The following ANK2 variants were observed in gnomAD, a reference collection of about 807,000 sequenced individuals.
ANK2 encodes ankyrin 2.
Under a neutral mutation model 360.5 loss-of-function variants are expected in ANK2, and 83 were observed. That is an observed-to-expected ratio of 0.23 (90% CI 0.19 to 0.28). The LOEUF is 0.28. Ranked by LOEUF, ANK2 falls within the 10% of genes least tolerant of loss-of-function variation. The pLI, the probability that ANK2 is intolerant of heterozygous loss-of-function variation, is 1.00. For missense variants in ANK2, 4,201 were observed against 4,795.7 expected, an observed-to-expected ratio of 0.88 and a Z score of 3.66; for synonymous variants, 1,740 against 1,759.5, an observed-to-expected ratio of 0.99 and a Z score of 0.28.
the ANK2 span, among the ~76,000 whole-genome samples, chr4:112,765,348 G>A: frequency 2.0e-5 from 3 of 152,150 alleles, no homozygotes; most frequent in Non-Finnish European, 4.4e-5. Context: ...AATCTGAACA[G>A]TTCTCTTCCT....
chr4:113,218,657 A>C (rs1393791004), intron 4 of ANK2, among the ~76,000 whole-genome samples: 1 of 152,192 alleles, frequency 6.6e-6, no homozygotes, highest in African/African-American at 2.4e-5. Flanking sequence ...ACCATATCAT[A>C]TAGTGTTTTG....
At chr4:113,200,180 A>G (rs2098809891) in intron 4 of ANK2, among the ~76,000 whole-genome samples, 2 of 152,074 alleles carry the variant, frequency 1.3e-5, no homozygotes, top group African/African-American at 4.8e-5. Context: ...CAATGTTTTA[A>G]TATGTATTGA....
intron 26 of ANK2, among the ~76,000 whole-genome samples, chr4:113,324,398 G>A (rs573036437): frequency 2.0e-5 from 3 of 152,044 alleles, no homozygotes; most frequent in Non-Finnish European, 2.9e-5. Context: ...ATTTTTAAAG[G>A]TTCCTATTAG....
At chr4:112,953,946 C>G (rs1310561569) in intron 2 of ANK2, among the ~76,000 whole-genome samples, 2 of 151,672 alleles carry the variant, frequency 1.3e-5, no homozygotes, top group African/African-American at 4.8e-5. Flanking sequence ...TGTCTCCCCC[C>G]GCCCCCGTCT....
chr4:113,271,578 A>T (rs967203861), intron 14 of ANK2, among the ~76,000 whole-genome samples: 1 of 152,154 alleles, frequency 6.6e-6, no homozygotes, highest in African/African-American at 2.4e-5. Context: ...GATAGTAAAA[A>T]ATTGTGCCAA....
chr4:113,047,392 T>C (rs1045047530), upstream of ANK2, among the ~76,000 whole-genome samples: 6 of 152,260 alleles, frequency 3.9e-5, no homozygotes, highest in African/African-American at 1.2e-4. Flanking sequence ...TTGTTTATCA[T>C]GATATCCACA....
chr4:113,041,205 C>A (rs1416489122), intron 2 of ANK2, among the ~76,000 whole-genome samples: 3 of 152,106 alleles, frequency 2.0e-5, no homozygotes, highest in African/African-American at 7.2e-5. Flanking sequence ...TTTCTTTAAA[C>A]CATTAAATGG....
intron 1 of ANK2, among the ~76,000 whole-genome samples, chr4:113,098,678 A>C (rs942358642): frequency 6.6e-6 from 1 of 152,012 alleles, no homozygotes; most frequent in Non-Finnish European, 1.5e-5. Flanking sequence ...TTCCTAGTTA[A>C]TCCTATGAGG....
At chr4:113,185,492 G>C (rs139562943) in intron 2 of ANK2, among the ~76,000 whole-genome samples, 2,912 of 152,198 alleles carry the variant, frequency 0.019, 40 homozygotes, top group South Asian at 0.034. Context: ...TCATATGTTT[G>C]TTGGCCACAT....
In ANK2 at chr4:113,288,292, T is replaced by C. The variant is rs191465892; in HGVS notation, c.2179-96T>C. The C allele has an allele frequency of 7.8e-6, 8 of 1,024,526 alleles. 1 individual carries two copies. Among genetic ancestry groups the C allele is most frequent in the East Asian group, 7.6e-5 (3 of 39,406 alleles). The allele number at this position is 1,024,526 out of a possible 1,614,324, so 63.5% of individuals were successfully genotyped here. A position where few individuals can be genotyped will look rare whatever the true frequency, so the allele number is the denominator to read the frequency against. Reference sequence around the variant, plus strand: ...TAGTCAAATGGAATCCTATAATAACTGATACTCTACCCAGTCCTTCTCCTC... The same window carrying C: ...TAGTCAAATGGAATCCTATAATAACCGATACTCTACCCAGTCCTTCTCCTC... On this transcript the variant is annotated intron_variant, in intron 19 of 45. Transcript: ENST00000357077.
rs10011655 is a variant in ANK2, at chr4:113,344,989, G to A, written c.4249-911G>A. On this transcript the variant is annotated intron_variant, in intron 34 of 45. Coordinates refer to ENST00000357077, the MANE Select transcript of ANK2 (RefSeq NM_001148.6). ...GATTAACAAGTTCTAAAGATGGAAG[G>A]TAGTGATGATTATACAACAATGTGA... Among the ~76,000 whole-genome samples the A allele has an allele frequency of 3.9e-3, 595 of 152,200 alleles. 4 individuals are homozygous for A. The highest frequency in any genetic ancestry group is 0.013 in the African/African-American group (560 of 41,530).
At chr4:112,747,431 A>G in the ANK2 span, among the ~76,000 whole-genome samples, 67 of 152,358 alleles carry the variant, frequency 4.4e-4, no homozygotes, top group Middle Eastern at 6.8e-3. Flanking sequence ...ATAATGTACA[A>G]GAATATTTAC....
At chr4:113,186,567 T>C (rs2098529565) in intron 2 of ANK2, among the ~76,000 whole-genome samples, 1 of 75,704 alleles carries the variant, frequency 1.3e-5, no homozygotes, top group Non-Finnish European at 2.4e-5. Flanking sequence ...CGTGTCTCTC[T>C]CTCTCTCTCT....
At chr4:113,175,467 T>C (rs972387520) in intron 2 of ANK2, among the ~76,000 whole-genome samples, 1 of 152,104 alleles carries the variant, frequency 6.6e-6, no homozygotes, top group African/African-American at 2.4e-5. Context: ...CTGTTTCCCG[T>C]TCCTCATCTT....
chr4:113,281,367 A>G (rs994184331), intron 17 of ANK2, among the ~76,000 whole-genome samples: 2 of 151,954 alleles, frequency 1.3e-5, no homozygotes, highest in African/African-American at 2.4e-5. Context: ...GTGAAACCCC[A>G]TCTCTACCAA....
At chr4:113,003,859 G>A (rs1246881272) in intron 2 of ANK2, among the ~76,000 whole-genome samples, 2 of 152,208 alleles carry the variant, frequency 1.3e-5, no homozygotes, top group Non-Finnish European at 2.9e-5. Flanking sequence ...AGGCTATATG[G>A]TATAGCTTGT....
intron 1 of ANK2, among the ~76,000 whole-genome samples, chr4:113,137,291 A>G (rs7664966): frequency 0.15 from 23,492 of 152,184 alleles, 2,914 homozygotes; most frequent in East Asian, 0.54. Context: ...AATTCAGTCA[A>G]GAAATAAATC....
the ANK2 span, among the ~76,000 whole-genome samples, chr4:112,771,846 A>G: frequency 1.3e-5 from 2 of 152,062 alleles, no homozygotes; most frequent in African/African-American, 4.8e-5. Context: ...TGGCCTCCCA[A>G]AGTGCTGAGA....
At chr4:113,223,268 T>C (rs1356745418) in intron 4 of ANK2, among the ~76,000 whole-genome samples, 1 of 152,180 alleles carries the variant, frequency 6.6e-6, no homozygotes, top group African/African-American at 2.4e-5. Context: ...TCCTAGCATG[T>C]CGTGGTTAAG....
Sources: gnomAD v4.1 joint callset for allele counts (sites outside exome capture counted in the v4.1 genomes callset) on GRCh38, gnomAD v4.1.1 for gene constraint, MANE v1.5 for transcripts, NCBI Gene and HGNC (gene_info 2026-07-23, HGNC 2026-07-21) for gene names.